HRH1: variants seen among roughly 807,000 people sequenced by gnomAD.
HRH1 encodes the protein histamine H1 receptor.
Under a neutral mutation model 10.3 loss-of-function variants are expected in HRH1, and 6 were observed. That is an observed-to-expected ratio of 0.58 (90% CI 0.32 to 1.15). The LOEUF is 1.15. Ranked by LOEUF, HRH1 falls within the 50% of genes most tolerant of loss-of-function variation. The pLI is 0.05. For synonymous variants in HRH1, 242 were observed against 236.7 expected (o/e 1.02, Z -0.21); for missense variants, 514 against 615.3 (o/e 0.84, Z 1.74).
At chr3:11,174,239 G>T (rs1574988503) in intron 1 of HRH1, among the ~76,000 whole-genome samples, 1 of 152,206 alleles carries the variant, frequency 6.6e-6, no homozygotes, top group East Asian at 1.9e-4. Context: ...AGCATCGTGT[G>T]TGTCATCTCA....
intron 1 of HRH1, among the ~76,000 whole-genome samples, chr3:11,170,220 C>A (rs1937126256): frequency 6.6e-6 from 1 of 152,220 alleles, no homozygotes; most frequent in African/African-American, 2.4e-5. Context: ...CAAGCTCCTG[C>A]AAACTGCATT....
chr3:11,162,303 C>T (rs556067129), intron 1 of HRH1, among the ~76,000 whole-genome samples: 9 of 152,086 alleles, frequency 5.9e-5, no homozygotes, highest in South Asian at 4.2e-4. Flanking sequence ...ATGCTCCCAT[C>T]GAGTGGCAGG....
At chr3:11,210,771 C>T (rs906260166) in intron 1 of HRH1, among the ~76,000 whole-genome samples, 3 of 140,078 alleles carry the variant, frequency 2.1e-5, no homozygotes, top group African/African-American at 7.9e-5. Flanking sequence ...CCAGCCTATG[C>T]AACAGAGCAA....
chr3:11,188,582 C>T (rs1438922484), intron 1 of HRH1, among the ~76,000 whole-genome samples: 1 of 152,124 alleles, frequency 6.6e-6, no homozygotes, highest in Non-Finnish European at 1.5e-5. Context: ...ATCAGATACA[C>T]ACCCAAAGAT....
At chr3:11,153,808 T>C (rs1936708407), upstream of HRH1, among the ~76,000 whole-genome samples, 1 of 152,018 alleles carries the variant, frequency 6.6e-6, no homozygotes, top group Non-Finnish European at 1.5e-5. Context: ...GGTTGCTAAT[T>C]AAAACACATC....
rs1030578293 is a variant in HRH1 at position 11,260,901 on chromosome 3, T to C, written c.*400T>C. On this transcript the variant is annotated 3_prime_UTR_variant, in exon 2 of 2. Transcript: ENST00000431010. ...AGTGATTGACAACTGAAGAGACACG[T>C]GGCTAGGGTTCCACTGGAGAATTGA... 5 of 189,606 alleles carry C rather than the reference T, an allele frequency of 2.6e-5. No individual in the cohort carries two copies. Among genetic ancestry groups the C allele is most frequent in the African/African-American group, 1.2e-4 (5 of 41,956 alleles). The allele number at this position is 189,606 out of a possible 1,614,324, so 11.7% of individuals were successfully genotyped here.
At chr3:11,215,090 G>A (rs1032950147) in intron 1 of HRH1, among the ~76,000 whole-genome samples, 11 of 152,194 alleles carry the variant, frequency 7.2e-5, no homozygotes, top group Admixed American at 2.6e-4. Flanking sequence ...GACAATAAAG[G>A]TGAAAAGAAT....
At chr3:11,255,700 G>A (rs77912749) in intron 1 of HRH1, among the ~76,000 whole-genome samples, 45 of 152,316 alleles carry the variant, frequency 3.0e-4, no homozygotes, top group African/African-American at 9.9e-4. Context: ...AGGACAACTG[G>A]AAGCCGGGAG....
At chr3:11,168,807 C>T (rs747239646) in intron 1 of HRH1, among the ~76,000 whole-genome samples, 14 of 152,210 alleles carry the variant, frequency 9.2e-5, no homozygotes, top group Non-Finnish European at 1.5e-4. Context: ...TTTGGGGCAC[C>T]GCCTAGCAAT....
chr3:11,157,034 T>C (rs984206992), intron 1 of HRH1, among the ~76,000 whole-genome samples: 1 of 152,232 alleles, frequency 6.6e-6, no homozygotes, highest in East Asian at 1.9e-4. Context: ...CGAGTGTCAC[T>C]AGTGTGGATG....
At chr3:11,235,931 C>G (rs927280377) in intron 1 of HRH1, among the ~76,000 whole-genome samples, 1 of 152,226 alleles carries the variant, frequency 6.6e-6, no homozygotes, top group African/African-American at 2.4e-5. Flanking sequence ...CCAGCTACTT[C>G]AGGTCAAAAT....
At chr3:11,196,679 A>G (rs1937663778) in intron 1 of HRH1, among the ~76,000 whole-genome samples, 7 of 152,120 alleles carry the variant, frequency 4.6e-5, no homozygotes. Context: ...CCCATATAAA[A>G]TATTTGAGAA....
chr3:11,196,953 C>CAAAAAAAAAAAAAAAAAAA (rs35134148), intron 1 of HRH1, among the ~76,000 whole-genome samples: 1 of 110,470 alleles, frequency 9.1e-6, no homozygotes, highest in Non-Finnish European at 1.8e-5. Context: ...ACTAAAAATA[C>CAAAAAAAAAAAAAAAAAAA]AAAAAAAAAA....
chr3:11,198,343 A>T (rs1469380658), intron 1 of HRH1, among the ~76,000 whole-genome samples: 1 of 152,012 alleles, frequency 6.6e-6, no homozygotes, highest in Admixed American at 6.6e-5. Context: ...CGCTCTTAAC[A>T]TTCTCTCCCT....
chr3:11,161,287 T>C (rs1383541560), intron 1 of HRH1, among the ~76,000 whole-genome samples: 3 of 152,264 alleles, frequency 2.0e-5, no homozygotes, highest in Non-Finnish European at 2.9e-5. Context: ...TCTTCTTTTT[T>C]CATTTCTTTC....
In HRH1 at chr3:11,259,640, G is replaced by T; in HGVS notation, c.603G>T (p.Leu201=). ...TGACTGCCATCATCAACTTCTACCT[G>T]CCCACCTTGCTCATGCTCTGGTTCT... is the stretch of plus-strand genomic sequence containing the variant. ...KVMTAIINFY[L]PTLLMLWFYA... The change falls in exon 2 of 2, where the codon CTG becomes CTT. Residue 201 remains leucine (L), a synonymous_variant. Transcript: ENST00000431010. The surrounding 1 kb of genome is among the most constrained non-coding windows in gnomAD (Gnocchi z 4.6). 6.2e-7 allele frequency: 1 copy of T among 1,614,024 alleles called. No individual in the cohort carries two copies. Among genetic ancestry groups the T allele is most frequent in the Non-Finnish European group, 8.5e-7 (1 of 1,180,022 alleles).
rs1425220976 is a variant in HRH1 at position 11,146,478 on chromosome 3, A to G, written c.-36+9079A>G. Among the ~76,000 whole-genome samples, 6 of 152,272 alleles carry G rather than the reference A, an allele frequency of 3.9e-5. No individual in the cohort carries two copies. The South Asian group carries it at 1.2e-3, about 32-fold the overall frequency. ...CTTGTGCATTGATGAGATGGTCCCT[A>G]TGGGGAAATGCAAGGGATTTAGGAG... On this transcript the variant is annotated intron_variant, in intron 1 of 1. Transcript: ENST00000438284.
chr3:11,212,527 C>T (rs1367142512), intron 1 of HRH1, among the ~76,000 whole-genome samples: 1 of 152,168 alleles, frequency 6.6e-6, no homozygotes, highest in Non-Finnish European at 1.5e-5. Context: ...CTACACAGTC[C>T]TGTGCTGTGG....
chr3:11,244,806 C>G (rs1184543245), intron 1 of HRH1, among the ~76,000 whole-genome samples: 1 of 152,172 alleles, frequency 6.6e-6, no homozygotes, highest in East Asian at 1.9e-4. Flanking sequence ...GAAAGCTGCA[C>G]TCTTGGGTGG....
Sources: allele counts gnomAD v4.1 joint callset (sites outside exome capture counted in the v4.1 genomes callset), GRCh38; gene constraint gnomAD v4.1.1; non-coding constraint Gnocchi (gnomAD v3.1); transcripts MANE v1.5; gene names NCBI Gene and HGNC (gene_info 2026-07-23, HGNC 2026-07-21).